HDX: variants seen among roughly 807,000 people sequenced by gnomAD.
HDX encodes the protein highly divergent homeobox.
Under a neutral mutation model 45.2 loss-of-function variants are expected in HDX, and 19 were observed. The ratio of observed to expected loss-of-function variants is 0.42; its 90% confidence interval spans 0.29 to 0.62. The LOEUF is 0.62. HDX is among the 20% of genes least tolerant of loss of function. The pLI is 0.20. For synonymous variants in HDX, 188 were observed against 172.8 expected (o/e 1.09, Z -0.69); for missense variants, 532 against 493.9 (o/e 1.08, Z -0.73).
In HDX at chrX:84,469,330, T is replaced by G. The variant is rs749804678; in HGVS notation, c.393A>C (p.Thr131=). The stretch of plus-strand genomic sequence containing the variant: ...TCTGAATAGGGATTTTATGTGCTTC[T>G]GTAATTTGTGTGTCTGTATGTTTGT... ...GTNKHTDTQI[T]EAHKIPIQKT... The change falls in exon 4 of 11, where the codon ACA becomes ACC. Residue 131 remains threonine, a synonymous_variant. Coordinates refer to ENST00000373177, the MANE Select transcript of HDX (RefSeq NM_001177479.2). The G allele has an allele frequency of 1.7e-5, 20 of 1,211,421 alleles. No homozygotes were observed. Among genetic ancestry groups the G allele is most frequent in the Non-Finnish European group, 2.2e-5 (20 of 895,318 alleles).
In HDX at chrX:84,478,607, G is replaced by C. The variant is rs139266659; in HGVS notation, c.1-3210C>G. On this transcript the variant is annotated intron_variant, in intron 2 of 10. Coordinates refer to ENST00000373177, the MANE Select transcript of HDX (RefSeq NM_001177479.2). Reference sequence around the variant, plus strand: ...AACAAGATATTCTAAATGGGATGACGCATTTGGAGGCTGAGGTAGGAGGAT... The same window carrying C: ...AACAAGATATTCTAAATGGGATGACCCATTTGGAGGCTGAGGTAGGAGGAT... 5.4e-5 allele frequency among the ~76,000 whole-genome samples: 6 copies of C among 111,987 alleles called. No homozygotes were observed. The East Asian group carries it at 1.7e-3, about 31-fold the overall frequency.
chrX:84,318,507 A>G lies in HDX; in HGVS notation c.*3382T>C. ...AGAATGTCTTTTAAAAAGGATCACA[A>G]AATAGTTGTCTGAGATGAAGAAACT... On this transcript the variant is annotated 3_prime_UTR_variant, in exon 11 of 11. Coordinates refer to ENST00000373177, the MANE Select transcript of HDX (RefSeq NM_001177479.2). The G allele has an allele frequency of 9.0e-6, 1 of 111,213 alleles. No homozygotes were observed. The highest frequency in any genetic ancestry group is 2.8e-4 in the East Asian group (1 of 3,546). 9.2% of individuals were successfully genotyped at this position (111,213 alleles called of 1,213,427 possible).
chrX:84,420,275 A>C (rs1447642310), intron 5 of HDX, among the ~76,000 whole-genome samples: 4 of 112,268 alleles, frequency 3.6e-5, no homozygotes, highest in Admixed American at 9.5e-5. Context: ...TCAGAATTCT[A>C]TCAGATGATT....
chrX:84,456,123 A>G (rs930080299), intron 4 of HDX, among the ~76,000 whole-genome samples: 2 of 112,165 alleles, frequency 1.8e-5, no homozygotes, highest in African/African-American at 6.5e-5. Flanking sequence ...ATAAGAAATC[A>G]TCTGATGGTA....
At chrX:84,429,731 C>T (rs150431678) in intron 5 of HDX, among the ~76,000 whole-genome samples, 124 of 110,487 alleles carry the variant, frequency 1.1e-3, no homozygotes, top group African/African-American at 3.9e-3. Context: ...TAAAAGGGGA[C>T]ATCCATGACT....
Position 84,323,140 on chromosome X carries a change from G to A in HDX, c.1948-1126C>T, listed in dbSNP as rs111848903. On this transcript the variant is annotated intron_variant, in intron 10 of 10. Coordinates refer to ENST00000373177, the MANE Select transcript of HDX (RefSeq NM_001177479.2). ...AACATTCTCATTTTTATCAGGCTAT[G>A]TAAGGGAAGACTAACCCCTATCTGG... Among the ~76,000 whole-genome samples, 628 of 111,221 alleles carry A rather than the reference G, an allele frequency of 5.6e-3. 5 individuals are homozygous for A. The highest frequency in any genetic ancestry group is 0.019 in the African/African-American group (575 of 30,753).
At position 84,453,027 on chromosome X, in the gene HDX, C is replaced by T. The variant is rs867315115; in HGVS notation, c.1252-12442G>A. 4.0e-4 allele frequency among the ~76,000 whole-genome samples: 45 copies of T among 112,050 alleles called. 1 individual carries two copies. Among genetic ancestry groups the T allele is most frequent in the Middle Eastern group, 9.3e-3 (2 of 215 alleles). ...GGAAACAATAGAGTGGATAGAAAAC[C>T]TGTTGAATGAGAAGAAATATTTGCA... On this transcript the variant is annotated intron_variant, in intron 4 of 10. Transcript: ENST00000373177.
chrX:84,463,168 G>T (rs1355397388), intron 4 of HDX, among the ~76,000 whole-genome samples: 1 of 110,679 alleles, frequency 9.0e-6, no homozygotes, highest in East Asian at 2.8e-4. Context: ...TTTATATTAT[G>T]TAATATATGT....
At chrX:84,396,027 T>C (rs995316491) in intron 5 of HDX, among the ~76,000 whole-genome samples, 4 of 112,069 alleles carry the variant, frequency 3.6e-5, no homozygotes, top group Admixed American at 9.5e-5. Flanking sequence ...CAAAAATCAT[T>C]ATTACAAATT....
chrX:84,328,202 A>ATAT (rs1555977996), intron 9 of HDX, among the ~76,000 whole-genome samples: 2 of 107,263 alleles, frequency 1.9e-5, no homozygotes, highest in Non-Finnish European at 3.9e-5. Flanking sequence ...CTACCAAAAA[A>ATAT]ATATATATAT....
chrX:84,421,635 T>TAA (rs56249555), intron 5 of HDX, among the ~76,000 whole-genome samples: 9,974 of 96,688 alleles, frequency 0.1, 568 homozygotes, highest in South Asian at 0.25. Context: ...CTGAATGCAT[T>TAA]AAAAAAAAAA....
chrX:84,389,316 C>T (rs2038388631), intron 5 of HDX, among the ~76,000 whole-genome samples: 1 of 111,921 alleles, frequency 8.9e-6, no homozygotes, highest in African/African-American at 3.3e-5. Context: ...GGCCAAAGGG[C>T]CACCTCAGGC....
chrX:84,360,314 C>A (rs1345046319), intron 6 of HDX, among the ~76,000 whole-genome samples: 1 of 111,877 alleles, frequency 8.9e-6, no homozygotes, highest in East Asian at 2.8e-4. Flanking sequence ...AATAGGAACA[C>A]TTTTACACTG....
At chrX:84,454,706 T>TAAGA (rs1163539330) in intron 4 of HDX, among the ~76,000 whole-genome samples, 5 of 110,789 alleles carry the variant, frequency 4.5e-5, no homozygotes, top group Non-Finnish European at 9.5e-5. Flanking sequence ...TGTAGAGCCT[T>TAAGA]AAGACCTTCA....
chrX:84,324,575 A>G (rs1307573579), intron 10 of HDX, among the ~76,000 whole-genome samples: 5 of 111,658 alleles, frequency 4.5e-5, no homozygotes, highest in African/African-American at 1.6e-4. Flanking sequence ...ACTTTTGTCC[A>G]TATACTAATT....
At chrX:84,352,677 T>A (rs1194410866) in intron 6 of HDX, among the ~76,000 whole-genome samples, 1 of 111,612 alleles carries the variant, frequency 9.0e-6, no homozygotes, top group Non-Finnish European at 1.9e-5. Flanking sequence ...ATTAAATTAT[T>A]ATTGACTCTA....
At chrX:84,448,937 AAGAT>A (rs1432797148) in intron 4 of HDX, among the ~76,000 whole-genome samples, 87 of 110,106 alleles carry the variant, frequency 7.9e-4, no homozygotes, top group African/African-American at 2.8e-3. Context: ...ATGTACTAAA[AAGAT>A]AGATATCATT....
intron 5 of HDX, among the ~76,000 whole-genome samples, chrX:84,392,182 C>A (rs66771467): frequency 0.068 from 7,630 of 111,443 alleles, 362 homozygotes; most frequent in East Asian, 0.35. Flanking sequence ...TATCATTTCC[C>A]AAATGTATGT....
At chrX:84,415,952 T>C (rs1441139338) in intron 5 of HDX, among the ~76,000 whole-genome samples, 2 of 112,273 alleles carry the variant, frequency 1.8e-5, no homozygotes, top group Non-Finnish European at 3.8e-5. Context: ...CACAATATTA[T>C]TACCAGATGG....
Sources: allele counts gnomAD v4.1 joint callset (sites outside exome capture counted in the v4.1 genomes callset), GRCh38; gene constraint gnomAD v4.1.1; transcripts MANE v1.5; gene names NCBI Gene and HGNC (gene_info 2026-07-23, HGNC 2026-07-21).